The following LTK variants were observed in gnomAD, a reference collection of about 807,000 sequenced individuals.
The protein encoded by LTK is leukocyte receptor tyrosine kinase.
A neutral mutation model predicts 101.5 loss-of-function variants in LTK; 117 were observed. That is an observed-to-expected ratio of 1.15 (90% CI 0.99 to 1.34). LTK has a LOEUF of 1.34. LTK is among the 40% of genes most tolerant of loss of function. LTK has a pLI of 0.00. For missense variants in LTK, 1,252 were observed against 1,164.7 expected, an observed-to-expected ratio of 1.07 and a Z score of -1.09; for synonymous variants, 563 against 494.2, an observed-to-expected ratio of 1.14 and a Z score of -1.85.
Position 41,513,758 on chromosome 15 carries a change from C to G in LTK, c.-49G>C. 1 of 1,522,760 alleles carries G rather than the reference C, an allele frequency of 6.6e-7. No homozygotes were observed. The highest frequency in any genetic ancestry group is 9.1e-7 in the Non-Finnish European group (1 of 1,097,322). 94.3% of individuals were successfully genotyped at this position (1,522,760 alleles called of 1,614,324 possible). Reference sequence around the variant, plus strand: ...AAAAGCCCTTGCGGTCGCGGCCACACCCCTGTCAACCTAAAGTTGACAGCT... The same window carrying G: ...AAAAGCCCTTGCGGTCGCGGCCACAGCCCTGTCAACCTAAAGTTGACAGCT... On this transcript the variant is annotated 5_prime_UTR_variant, in exon 1 of 20. Coordinates refer to ENST00000263800, the MANE Select transcript of LTK (RefSeq NM_002344.6).
At chr15:41,512,908 C>G in intron 2 of LTK, 30 bp from the exon 3 acceptor site, 1 of 1,607,300 alleles carries the variant, frequency 6.2e-7, no homozygotes, top group Non-Finnish European at 8.5e-7. Context: ...CAAGGGTCGT[C>G]GAGCCCCTGG....
chr15:41,513,587 C>A, intron 1 of LTK, 80 bp downstream of exon 1: 1 of 1,309,402 alleles, frequency 7.6e-7, no homozygotes, highest in South Asian at 1.2e-5. Flanking sequence ...CCACTGACAC[C>A]TGGCCTGTTG....
intron 2 of LTK, 33 bp downstream of exon 2, chr15:41,512,944 G>A: frequency 6.2e-7 from 1 of 1,613,026 alleles, no homozygotes; most frequent in South Asian, 1.1e-5. Flanking sequence ...CTGGTATGGT[G>A]AGCGAAAGAG....
At position 41,507,306 on chromosome 15, in the gene LTK, A is replaced by G. The variant is rs377316299; in HGVS notation, c.1346-16T>C. The G allele has an allele frequency of 3.8e-6, 6 of 1,582,480 alleles. No homozygotes were observed. The African/African-American group carries it at 6.8e-5, about 18-fold the overall frequency. On this transcript the variant is annotated splice_polypyrimidine_tract_variant and intron_variant, in intron 10 of 19. Transcript: ENST00000263800. ...TTCTGCTTCACTGGGGGTGGGAAGA[A>G]TAACGGCACACCCTCCACCTGCCCA...
At chr15:41,507,785 G>C in intron 9 of LTK, 128 bp from the exon 10 acceptor site, 1 of 1,047,868 alleles carries the variant, frequency 9.5e-7, no homozygotes, top group Non-Finnish European at 1.4e-6. Context: ...ATTATCCTGG[G>C]CAAAAGCAAC....
At position 41,511,375 on chromosome 15, in the gene LTK, G is replaced by A; in HGVS notation, c.815-29C>T. ...CAGAGCGACAGCAGGAAGGTTGGCA[G>A]CCACACGGGGAGCACGCCCGCCTCT... is the stretch of plus-strand genomic sequence containing the variant. On this transcript the variant is annotated intron_variant, in intron 6 of 19. Transcript: ENST00000263800. This position sits in a 1 kb window ranked among gnomAD's most constrained non-coding sequence, Gnocchi z 5.9. 7.3e-7 allele frequency: 1 copy of A among 1,362,680 alleles called. No homozygotes were observed. The highest frequency in any genetic ancestry group is 4.0e-5 in the Admixed American group (1 of 25,044). 84.4% of individuals were successfully genotyped at this position (1,362,680 alleles called of 1,614,324 possible).
rs2051152417 is a variant in LTK at position 41,503,726 on chromosome 15, G to C, written c.*270C>G. ...ATGCTCATAATGGGAGAGCAATCCA[G>C]TGCTCCCCATGGACACCTGGGGTGT... is the stretch of plus-strand genomic sequence containing the variant. On this transcript the variant is annotated 3_prime_UTR_variant, in exon 20 of 20. Transcript: ENST00000263800. 3 of 653,966 alleles carry C rather than the reference G, an allele frequency of 4.6e-6. No homozygotes were observed. In the Admixed American group the frequency reaches 6.1e-5, roughly 13 times the overall value. 40.5% of individuals were successfully genotyped at this position (653,966 alleles called of 1,614,324 possible).
At chr15:41,504,743 T>TGGGGAAGGGGAGGGGA in intron 17 of LTK, 30 bp downstream of exon 17, 1 of 1,586,882 alleles carries the variant, frequency 6.3e-7, no homozygotes, top group Non-Finnish European at 8.6e-7. Context: ...AGGGGAACAG[T>TGGGGAAGGGGAGGGGA]GGGGAAGGGG....
rs2051154161 is a variant in LTK at position 41,503,808 on chromosome 15, T to C, written c.*188A>G. 1 of 698,288 alleles carries C rather than the reference T, an allele frequency of 1.4e-6. No homozygotes were observed. Among genetic ancestry groups the C allele is most frequent in the Non-Finnish European group, 2.4e-6 (1 of 424,466 alleles). 43.3% of individuals were successfully genotyped at this position (698,288 alleles called of 1,614,324 possible). A position where few individuals can be genotyped will look rare whatever the true frequency, so the allele number is the denominator to read the frequency against. The stretch of plus-strand genomic sequence containing the variant: ...AGCTGGAAGTGGCTGGGCCCTTCCC[T>C]GGGAGGCCTGGGCTGGTTTCCAGCA... On this transcript the variant is annotated 3_prime_UTR_variant, in exon 20 of 20. Coordinates refer to ENST00000263800, the MANE Select transcript of LTK (RefSeq NM_002344.6).
chr15:41,507,744 A>C, intron 9 of LTK, 87 bp from the exon 10 acceptor site: 208 of 1,391,004 alleles, frequency 1.5e-4, no homozygotes, highest in Non-Finnish European at 1.9e-4. Flanking sequence ...GACTCAGCTC[A>C]AGTGTTAATT....
intron 8 of LTK, among the ~76,000 whole-genome samples, chr15:41,508,637 G>C (rs1440723157): frequency 1.3e-5 from 2 of 151,972 alleles, no homozygotes; most frequent in African/African-American, 4.8e-5. Context: ...GTTAATTCTA[G>C]CCCAGGACTT....
chr15:41,505,403 G>C lies in LTK; in HGVS notation c.1825C>G (p.Leu609Val), dbSNP rs537767736. ...KSFLRHSRPHLGQPSPLVMRD... is the reference protein window; with the variant it reads ...KSFLRHSRPHVGQPSPLVMRD... ...GGGGGCTAAGACAAGGGTCTCACCA[G>C]GTGTGGCCGACTGTGCCTCAGGAAA... The change falls in exon 14 of 20, where the codon CTG (leucine) becomes GTG (valine). Residue 609 changes from leucine to valine, a missense_variant and splice_region_variant. Leu to Val is a conservative substitution (Grantham distance 32). Transcript: ENST00000263800. The C allele has an allele frequency of 3.7e-6, 6 of 1,613,826 alleles. No homozygotes were observed. The highest frequency in any genetic ancestry group is 5.1e-6 in the Non-Finnish European group (6 of 1,179,984).
intron 1 of LTK, 84 bp from the exon 2 acceptor site, chr15:41,513,204 C>A: frequency 6.8e-7 from 1 of 1,468,212 alleles, no homozygotes; most frequent in Non-Finnish European, 9.0e-7. Flanking sequence ...GCAACAGCTG[C>A]CCTTGCGGTC....
In LTK at chr15:41,505,437, G is replaced by A. The variant is rs370064896; in HGVS notation, c.1791C>T (p.Asp597=). 18 of 1,613,972 alleles carry A rather than the reference G, an allele frequency of 1.1e-5. No homozygotes were observed. Among genetic ancestry groups the A allele is most frequent in the Non-Finnish European group, 1.4e-5 (16 of 1,180,012 alleles). ...LILLELMSGG[D]MKSFLRHSRP... ...GACTGTGCCTCAGGAAACTCTTCAT[G>A]TCCCCTCCAGACATCAGTTCCAGCA... Residue 597 remains aspartate (D), a synonymous_variant, in exon 14 of 20, where the codon GAC becomes GAT. Coordinates refer to ENST00000263800, the MANE Select transcript of LTK (RefSeq NM_002344.6).
intron 18 of LTK, 28 bp downstream of exon 18, chr15:41,504,478 C>T (rs2051182724): frequency 6.2e-7 from 1 of 1,613,704 alleles, no homozygotes; most frequent in South Asian, 1.1e-5. Context: ...TGTGAAGGAC[C>T]TCCCTTCCCG....
Position 41,505,388 on chromosome 15 carries a change from A to G in LTK, c.1827+13T>C. 1 of 1,613,740 alleles carries G rather than the reference A, an allele frequency of 6.2e-7. No individual in the cohort carries two copies. The highest frequency in any genetic ancestry group is 8.5e-7 in the Non-Finnish European group (1 of 1,179,888). ...TTTAGAGGGGCCTGGGGGGGCTAAG[A>G]CAAGGGTCTCACCAGGTGTGGCCGA... On this transcript the variant is annotated intron_variant, in intron 14 of 19. Transcript: ENST00000263800.
Position 41,508,084 on chromosome 15 carries a change from T to C in LTK, c.1234A>G (p.Asn412Asp). 1.9e-6 allele frequency: 3 copies of C among 1,607,682 alleles called. No individual in the cohort carries two copies. Among genetic ancestry groups the C allele is most frequent in the Non-Finnish European group, 2.5e-6 (3 of 1,176,874 alleles). ...TAGGACATACCCATGCAGGTGACGTTATCCACAGCTAGCTCCATGCCTTCT... is the reference window on the plus strand; with the variant it reads ...TAGGACATACCCATGCAGGTGACGTCATCCACAGCTAGCTCCATGCCTTCT... Reference protein sequence around the residue: ...CPEGMELAVDNVTCMDLHKPP... With the variant: ...CPEGMELAVDDVTCMDLHKPP... The change falls in exon 9 of 20, where the codon AAC (asparagine) becomes GAC (aspartate). Residue 412 changes from asparagine to aspartate, a missense_variant. Physicochemically the swap from Asn to Asp is conservative, Grantham distance 23. Transcript: ENST00000263800.
intron 7 of LTK, 34 bp from the exon 8 acceptor site, chr15:41,509,163 A>C (rs1188446356): frequency 7.7e-7 from 1 of 1,299,820 alleles, no homozygotes; most frequent in Non-Finnish European, 1.1e-6. Context: ...GTTTGACTAC[A>C]AAAATGGGGG....
Position 41,511,141 on chromosome 15 carries a change from G to T in LTK, c.997+23C>A. On this transcript the variant is annotated intron_variant, in intron 7 of 19. Transcript: ENST00000263800. The surrounding 1 kb of genome is among the most constrained non-coding windows in gnomAD (Gnocchi z 5.9). ...ACCTCACCCTCGGGCCTGCTCAGCTGCCCTCTCCAACGGTGCACCTACCCC... is the reference window on the plus strand; with the variant it reads ...ACCTCACCCTCGGGCCTGCTCAGCTTCCCTCTCCAACGGTGCACCTACCCC... 7.2e-7 allele frequency: 1 copy of T among 1,387,014 alleles called. No individual in the cohort carries two copies. Among genetic ancestry groups the T allele is most frequent in the East Asian group, 2.9e-5 (1 of 34,442 alleles). 85.9% of individuals were successfully genotyped at this position (1,387,014 alleles called of 1,614,324 possible).
Sources: gnomAD v4.1 joint callset for allele counts (sites outside exome capture counted in the v4.1 genomes callset) on GRCh38, gnomAD v4.1.1 for gene constraint, Gnocchi (gnomAD v3.1) non-coding constraint, MANE v1.5 for transcripts, NCBI Gene and HGNC (gene_info 2026-07-23, HGNC 2026-07-21) for gene names.